Variants in CCNY observed in about 807,000 individuals in gnomAD.
CCNY encodes the protein cyclin Y.
CCNY carries 19 observed loss-of-function variants against 42.8 expected under a neutral mutation model. The ratio of observed to expected loss-of-function variants is 0.44; its 90% CI spans 0.31 to 0.65. The LOEUF is 0.65. CCNY is among the 30% of genes least tolerant of loss of function. The pLI is 0.07. For missense variants in CCNY, 370 were observed against 437.3 expected, an observed-to-expected ratio of 0.85 and a Z score of 1.37; for synonymous variants, 165 against 162.7, an observed-to-expected ratio of 1.01 and a Z score of -0.11.
chr10:35,294,783 C>G (rs1208788943), intron 3 of CCNY, among the ~76,000 whole-genome samples: 1 of 151,974 alleles, frequency 6.6e-6, no homozygotes, highest in Non-Finnish European at 1.5e-5. Context: ...CATTTTATAC[C>G]CTTTTATTTT....
chr10:35,315,901 T>C (rs544710394), intron 3 of CCNY, among the ~76,000 whole-genome samples: 12 of 152,224 alleles, frequency 7.9e-5, no homozygotes, highest in Non-Finnish European at 8.8e-5. Flanking sequence ...TCTTTTCATC[T>C]TGTAAAACTG....
At chr10:35,357,147 A>G (rs1027828891) in intron 1 of CCNY, among the ~76,000 whole-genome samples, 37 of 152,250 alleles carry the variant, frequency 2.4e-4, no homozygotes, top group Middle Eastern at 3.4e-3. Context: ...TCCTAAGAAC[A>G]TAATCCAGAG....
intron 1 of CCNY, among the ~76,000 whole-genome samples, chr10:35,376,670 C>G (rs1384019999): frequency 3.3e-5 from 5 of 152,172 alleles, no homozygotes; most frequent in Admixed American, 3.3e-4. Context: ...ATTTCTGGTC[C>G]TAAGCATTTC....
rs184317830 is a variant in CCNY, at chr10:35,308,162, T to A, written c.-9+57536T>A. On this transcript the variant is annotated intron_variant, in intron 3 of 11. Transcript: ENST00000374706. ...GATAAAGAAATTGAGGTTTTGGAGC[T>A]GTTAGTTTGTCTAAGATCAAAGCAC... is the stretch of plus-strand genomic sequence containing the variant. 2.0e-5 allele frequency among the ~76,000 whole-genome samples: 3 copies of A among 151,928 alleles called. No homozygotes were observed. In the East Asian group the frequency reaches 5.8e-4, roughly 29 times the overall value.
intron 1 of CCNY, among the ~76,000 whole-genome samples, chr10:35,347,903 G>A (rs756837494): frequency 1.3e-5 from 2 of 152,176 alleles, no homozygotes; most frequent in East Asian, 1.9e-4. Context: ...ACAGCTCCTC[G>A]TCTGTGTATC....
intron 3 of CCNY, among the ~76,000 whole-genome samples, chr10:35,503,229 A>G (rs1359502999): frequency 1.3e-5 from 2 of 152,186 alleles, no homozygotes; most frequent in Non-Finnish European, 2.9e-5. Flanking sequence ...CATGCACAGT[A>G]TCTTCTAACG....
At chr10:35,309,830 C>G (rs181401192) in intron 3 of CCNY, among the ~76,000 whole-genome samples, 2 of 152,178 alleles carry the variant, frequency 1.3e-5, no homozygotes, top group African/African-American at 4.8e-5. Context: ...GACAGAGTCT[C>G]GCTCTGTCGC....
intron 3 of CCNY, among the ~76,000 whole-genome samples, chr10:35,259,291 G>A (rs2095717678): frequency 6.6e-6 from 1 of 151,894 alleles, no homozygotes; most frequent in Admixed American, 6.6e-5. Flanking sequence ...TTTATTCACT[G>A]TGGCCTTGAC....
intron 3 of CCNY, among the ~76,000 whole-genome samples, chr10:35,270,569 T>C (rs2135042565): frequency 6.6e-6 from 1 of 152,270 alleles, no homozygotes; most frequent in South Asian, 2.1e-4. Flanking sequence ...TTTGCCTGAA[T>C]TGGTGCATGT....
At chr10:35,253,427 T>A (rs1472929093) in intron 3 of CCNY, among the ~76,000 whole-genome samples, 22 of 142,908 alleles carry the variant, frequency 1.5e-4, no homozygotes, top group African/African-American at 4.0e-4. Flanking sequence ...TTTTTTTTTT[T>A]TTTTTTTTTT....
intron 1 of CCNY, among the ~76,000 whole-genome samples, chr10:35,436,686 G>A (rs1320257938): frequency 1.3e-5 from 2 of 152,178 alleles, no homozygotes; most frequent in African/African-American, 4.8e-5. Context: ...AACTGGTGGT[G>A]GCTTTGACTT....
intron 3 of CCNY, among the ~76,000 whole-genome samples, chr10:35,284,076 T>A (rs1835326763): frequency 6.6e-6 from 1 of 152,104 alleles, no homozygotes. Context: ...AGAATGAGAC[T>A]GTCTCAAATA....
At chr10:35,382,416 G>A (rs1487068353) in intron 1 of CCNY, among the ~76,000 whole-genome samples, 1 of 152,172 alleles carries the variant, frequency 6.6e-6, no homozygotes, top group African/African-American at 2.4e-5. Context: ...GGGCCGTGGC[G>A]CCTTTGCAGT....
chr10:35,311,098 A>G (rs573219609), intron 3 of CCNY, among the ~76,000 whole-genome samples: 81 of 152,324 alleles, frequency 5.3e-4, no homozygotes, highest in African/African-American at 1.9e-3. Flanking sequence ...GGATTGCTTG[A>G]GGCCAGGAGT....
intron 1 of CCNY, among the ~76,000 whole-genome samples, chr10:35,351,419 C>G (rs1473360412): frequency 6.6e-6 from 1 of 152,178 alleles, no homozygotes; most frequent in Non-Finnish European, 1.5e-5. Flanking sequence ...TAGAGTGATT[C>G]TGAAGTTTAA....
chr10:35,424,620 ACAGAAT>A (rs1252311661), intron 1 of CCNY, among the ~76,000 whole-genome samples: 1 of 152,166 alleles, frequency 6.6e-6, no homozygotes, highest in Admixed American at 6.5e-5. Context: ...TTTGATGCTC[ACAGAAT>A]CAACACAGGG....
chr10:35,485,712 G>A (rs186938897), intron 2 of CCNY, among the ~76,000 whole-genome samples: 362 of 135,328 alleles, frequency 2.7e-3, no homozygotes, highest in African/African-American at 8.9e-3. Context: ...GCGACAGAGC[G>A]AGACTCCGTC....
intron 1 of CCNY, among the ~76,000 whole-genome samples, chr10:35,444,106 T>C (rs1279491596): frequency 1.3e-5 from 2 of 150,372 alleles, no homozygotes; most frequent in Non-Finnish European, 3.0e-5. Context: ...TTCTGCGACA[T>C]TGAATACCCA....
chr10:35,497,650 G>C (rs1840027503), intron 2 of CCNY, among the ~76,000 whole-genome samples: 1 of 146,136 alleles, frequency 6.8e-6, no homozygotes, highest in Non-Finnish European at 1.5e-5. Flanking sequence ...AGAGGCAGGA[G>C]AATTGCTTGA....
Sources: allele counts gnomAD v4.1 joint callset (sites outside exome capture counted in the v4.1 genomes callset), GRCh38; gene constraint gnomAD v4.1.1; transcripts MANE v1.5; gene names NCBI Gene and HGNC (gene_info 2026-07-23, HGNC 2026-07-21).